Variants in VAV1 observed in about 807,000 individuals in gnomAD.
The protein encoded by VAV1 is vav guanine nucleotide exchange factor 1.
A neutral mutation model predicts 128.1 loss-of-function variants in VAV1; 33 were observed. The observed-to-expected ratio is 0.26, with a 90% CI of 0.20 to 0.34. The LOEUF is 0.34. VAV1 is among the 10% of genes least tolerant of loss of function. VAV1 has a pLI of 1.00. For missense variants in VAV1, 715 were observed against 1,093.7 expected, an observed-to-expected ratio of 0.65 and a Z score of 4.88; for synonymous variants, 394 against 409.8, an observed-to-expected ratio of 0.96 and a Z score of 0.47.
intron 1 of VAV1, among the ~76,000 whole-genome samples, chr19:6,801,244 CCAGG>C (rs1162603177): frequency 8.5e-5 from 13 of 152,134 alleles, no homozygotes; most frequent in African/African-American, 3.1e-4. Context: ...GGGTTTCACA[CCAGG>C]CTCTACCGCA....
intron 1 of VAV1, among the ~76,000 whole-genome samples, chr19:6,787,018 C>T (rs1456591636): frequency 1.6e-5 from 2 of 124,710 alleles, no homozygotes; most frequent in Admixed American, 7.6e-5. Context: ...GACACGCTGT[C>T]TATTTTTTTT....
At chr19:6,850,276 G>A (rs1972637976) in intron 23 of VAV1, among the ~76,000 whole-genome samples, 1 of 129,870 alleles carries the variant, frequency 7.7e-6, no homozygotes, top group African/African-American at 3.0e-5. Flanking sequence ...AGCAGGAGTG[G>A]AGGTCTTCTC....
intron 14 of VAV1, 92 bp downstream of exon 14, chr19:6,830,010 T>A: frequency 6.3e-7 from 1 of 1,582,490 alleles, no homozygotes; most frequent in Non-Finnish European, 8.6e-7. Flanking sequence ...CCAGACTACA[T>A]CTACATGGAA....
intron 1 of VAV1, among the ~76,000 whole-genome samples, chr19:6,804,545 T>C (rs1033670694): frequency 1.3e-5 from 2 of 151,382 alleles, no homozygotes; most frequent in African/African-American, 4.9e-5. Flanking sequence ...CCCTTCTGAG[T>C]AGCTGGGATT....
rs545103098 is a variant in VAV1, at chr19:6,797,320, CT to C, written c.205-23377del. On this transcript the variant is annotated intron_variant, in intron 1 of 26. Transcript: ENST00000602142. ...ACCTGCTACTCCCTTTGCTTGGAGC[CT>C]TTTTACCCCCTTCACACTCTAAAGT... Among the ~76,000 whole-genome samples the C allele has an allele frequency of 2.2e-3, 334 of 151,812 alleles. 3 individuals carry two copies. The highest frequency in any genetic ancestry group is 8.0e-3 in the African/African-American group (330 of 41,398).
Position 6,820,928 on chromosome 19 carries a change from C to A in VAV1, c.321+110C>A. The A allele has an allele frequency of 1.9e-6, 2 of 1,039,112 alleles. No individual in the cohort carries two copies. Among genetic ancestry groups the A allele is most frequent in the Non-Finnish European group, 2.9e-6 (2 of 677,976 alleles). 64.4% of individuals were successfully genotyped at this position (1,039,112 alleles called of 1,614,324 possible). A position where few individuals can be genotyped will look rare whatever the true frequency, so the allele number is the denominator to read the frequency against. The stretch of plus-strand genomic sequence containing the variant: ...GGACAGGCAGACAAGCCAGACCAGG[C>A]CATATACAAGACGCAAATAGCACTG... On this transcript the variant is annotated intron_variant, in intron 2 of 26. Coordinates refer to ENST00000602142, the MANE Select transcript of VAV1 (RefSeq NM_005428.4). This position sits in a 1 kb window ranked among gnomAD's most constrained non-coding sequence, Gnocchi z 4.4.
intron 21 of VAV1, among the ~76,000 whole-genome samples, chr19:6,841,478 C>CTTTT (rs35484934): frequency 3.7e-5 from 5 of 135,626 alleles, no homozygotes; most frequent in South Asian, 2.3e-4. Flanking sequence ...TTTTTCTTTT[C>CTTTT]TTTTTTTTTT....
intron 1 of VAV1, among the ~76,000 whole-genome samples, chr19:6,774,744 GT>G (rs551596145): frequency 6.0e-5 from 9 of 149,220 alleles, no homozygotes; most frequent in East Asian, 4.0e-4. Flanking sequence ...TGCTCCTTCT[GT>G]TTTTTTTTAT....
chr19:6,797,675 C>A (rs1971168429), intron 1 of VAV1, among the ~76,000 whole-genome samples: 1 of 150,460 alleles, frequency 6.6e-6, no homozygotes, highest in Non-Finnish European at 1.5e-5. Context: ...TGCACTCCAG[C>A]CTGGGCAACA....
Position 6,826,269 on chromosome 19 carries a change from T to C in VAV1, c.828-343T>C, listed in dbSNP as rs1242323960. 1.3e-5 allele frequency among the ~76,000 whole-genome samples: 2 copies of C among 151,606 alleles called. No homozygotes were observed. The highest frequency in any genetic ancestry group is 4.9e-5 in the African/African-American group (2 of 41,234). Reference sequence around the variant, plus strand: ...AGGAGAATCGCTTGAACCCGGGAGATGGAGGTTGCACTGAGCCCAGATCAC... The same window carrying C: ...AGGAGAATCGCTTGAACCCGGGAGACGGAGGTTGCACTGAGCCCAGATCAC... On this transcript the variant is annotated intron_variant, in intron 8 of 26. Coordinates refer to ENST00000602142, the MANE Select transcript of VAV1 (RefSeq NM_005428.4). This position sits in a 1 kb window ranked among gnomAD's most constrained non-coding sequence, Gnocchi z 4.1.
chr19:6,799,970 A>G (rs547256197), intron 1 of VAV1, among the ~76,000 whole-genome samples: 1 of 152,018 alleles, frequency 6.6e-6, no homozygotes, highest in Admixed American at 6.6e-5. Context: ...GTAATGGAAT[A>G]TATCGTATGA....
intron 1 of VAV1, among the ~76,000 whole-genome samples, chr19:6,806,211 C>T (rs992799701): frequency 9.2e-5 from 14 of 152,036 alleles, no homozygotes; most frequent in Admixed American, 6.6e-4. Context: ...TTCAGCCTCC[C>T]GAGTAGCTGG....
chr19:6,787,018 C>CTGTT (rs1422740523), intron 1 of VAV1, among the ~76,000 whole-genome samples: 2 of 124,710 alleles, frequency 1.6e-5, no homozygotes, highest in African/African-American at 3.5e-5. Context: ...GACACGCTGT[C>CTGTT]TATTTTTTTT....
chr19:6,792,310 G>A (rs1971035059), intron 1 of VAV1, among the ~76,000 whole-genome samples: 1 of 152,096 alleles, frequency 6.6e-6, no homozygotes, highest in African/African-American at 2.4e-5. Flanking sequence ...TTTCATTGAG[G>A]AGGAAGGGTG....
In VAV1 at chr19:6,820,871, C is replaced by A; in HGVS notation, c.321+53C>A. Reference sequence around the variant, plus strand: ...CTGAGTTTCAGTTAATTTCTATTGACGTCTACACTGGGCAAGCTAAGGACT... The same window carrying A: ...CTGAGTTTCAGTTAATTTCTATTGAAGTCTACACTGGGCAAGCTAAGGACT... On this transcript the variant is annotated intron_variant, in intron 2 of 26. Coordinates refer to ENST00000602142, the MANE Select transcript of VAV1 (RefSeq NM_005428.4). This position sits in a 1 kb window ranked among gnomAD's most constrained non-coding sequence, Gnocchi z 4.4. 4 of 1,542,846 alleles carry A rather than the reference C, an allele frequency of 2.6e-6. No individual in the cohort carries two copies. The highest frequency in any genetic ancestry group is 3.6e-6 in the Non-Finnish European group (4 of 1,116,116).
Position 6,820,659 on chromosome 19 carries a change from C to A in VAV1, c.205-43C>A. ...GGCCTGGGGGTCAGTTTCTCCCCTG[C>A]CCTTTCGTACTGCCCCACCCTCATT... is the stretch of plus-strand genomic sequence containing the variant. On this transcript the variant is annotated intron_variant, in intron 1 of 26. Coordinates refer to ENST00000602142, the MANE Select transcript of VAV1 (RefSeq NM_005428.4). This position sits in a 1 kb window ranked among gnomAD's most constrained non-coding sequence, Gnocchi z 4.4. The A allele has an allele frequency of 6.4e-7, 1 of 1,569,880 alleles. No homozygotes were observed. The highest frequency in any genetic ancestry group is 8.8e-7 in the Non-Finnish European group (1 of 1,140,188).
At chr19:6,812,206 C>T (rs950805646) in intron 1 of VAV1, among the ~76,000 whole-genome samples, 2 of 152,134 alleles carry the variant, frequency 1.3e-5, no homozygotes, top group African/African-American at 2.4e-5. Context: ...GGCCTCTGCC[C>T]GAGGTAGACA....
chr19:6,804,791 T>G (rs895146860), intron 1 of VAV1, among the ~76,000 whole-genome samples: 5 of 150,930 alleles, frequency 3.3e-5, no homozygotes, highest in African/African-American at 1.2e-4. Context: ...TGGCGCAATC[T>G]TGGCTCACTG....
Position 6,777,046 on chromosome 19 carries a change from G to A in VAV1, c.204+4035G>A, listed in dbSNP as rs576817812. 1.1e-3 allele frequency among the ~76,000 whole-genome samples: 173 copies of A among 150,720 alleles called. No homozygotes were observed. Among genetic ancestry groups the A allele is most frequent in the African/African-American group, 4.0e-3 (165 of 41,122 alleles). ...CTGGGATTACAGGTGTGAGCCATAC[G>A]CCCGGCCCATCCATTCATCTATCTA... On this transcript the variant is annotated intron_variant, in intron 1 of 26. Transcript: ENST00000602142. The surrounding 1 kb of genome is among the most constrained non-coding windows in gnomAD (Gnocchi z 4.4).
Sources: gnomAD v4.1 joint callset for allele counts (sites outside exome capture counted in the v4.1 genomes callset) on GRCh38, gnomAD v4.1.1 for gene constraint, Gnocchi (gnomAD v3.1) non-coding constraint, MANE v1.5 for transcripts, NCBI Gene and HGNC (gene_info 2026-07-23, HGNC 2026-07-21) for gene names.